The following TDP1 variants were observed in gnomAD, a reference collection of about 807,000 sequenced individuals.
TDP1 encodes tyrosyl-DNA phosphodiesterase 1, also known as tyr-DNA phosphodiesterase 1.
A neutral mutation model predicts 81.5 loss-of-function variants in TDP1; 64 were observed. The ratio of observed to expected loss-of-function variants is 0.79; its 90% CI spans 0.64 to 0.97. The LOEUF is 0.97. Ranked by LOEUF, TDP1 falls within the 50% of genes least tolerant of loss-of-function variation. TDP1 has a pLI of 0.00. For synonymous variants in TDP1, 256 were observed against 264.3 expected (o/e 0.97, Z 0.30); for missense variants, 723 against 743.8 (o/e 0.97, Z 0.33).
chr14:90,029,356 C>A (rs945225175), intron 15 of TDP1, among the ~76,000 whole-genome samples: 3 of 151,974 alleles, frequency 2.0e-5, no homozygotes, highest in African/African-American at 7.3e-5. Context: ...CACTACCACA[C>A]CTGGCTAATT....
chr14:89,989,583 C>A, intron 11 of TDP1, 134 bp from the exon 12 acceptor site: 1 of 1,122,966 alleles, frequency 8.9e-7, no homozygotes, highest in Non-Finnish European at 1.3e-6. Context: ...AAGATGAGAA[C>A]TTTTAAAAAT....
chr14:89,975,815 C>T lies in TDP1; in HGVS notation c.791C>T (p.Thr264Met), dbSNP rs1391253393. 2.5e-6 allele frequency: 4 copies of T among 1,611,788 alleles called. No homozygotes were observed. Among genetic ancestry groups the T allele is most frequent in the East Asian group, 2.2e-5 (1 of 44,872 alleles). The change falls in exon 7 of 17, where the codon ACG becomes ATG. Residue 264 changes from threonine to methionine, a missense_variant and splice_region_variant. Transcript: ENST00000335725. The part of the protein sequence containing the change: ...KLDIAFGTHH[T>M]KMMLLLYEEG... ...GATATTGCGTTTGGAACACACCACA[C>T]GTAAGCACTTTTTGTGAAATAGGGG...
intron 14 of TDP1, among the ~76,000 whole-genome samples, chr14:90,010,027 A>T (rs2140219355): frequency 6.6e-6 from 1 of 152,368 alleles, no homozygotes; most frequent in South Asian, 2.1e-4. Context: ...TAAAGCTATA[A>T]AGCCTAGAAC....
chr14:89,986,155 T>C (rs1462848743), intron 10 of TDP1, among the ~76,000 whole-genome samples: 1 of 152,274 alleles, frequency 6.6e-6, no homozygotes, highest in Non-Finnish European at 1.5e-5. Flanking sequence ...TTTTATGAAA[T>C]GAGACCACAG....
intron 15 of TDP1, among the ~76,000 whole-genome samples, chr14:90,029,914 A>G (rs1384366107): frequency 6.6e-6 from 1 of 152,206 alleles, no homozygotes; most frequent in Non-Finnish European, 1.5e-5. Flanking sequence ...AATACTTATA[A>G]TTATACTCAT....
chr14:90,026,131 G>A (rs905961161), intron 15 of TDP1, among the ~76,000 whole-genome samples: 7 of 152,140 alleles, frequency 4.6e-5, no homozygotes, highest in African/African-American at 1.7e-4. Flanking sequence ...TTTTTTCATT[G>A]TAAACATGGT....
At chr14:90,026,780 GACATGAACTCA>G (rs1416649678) in intron 15 of TDP1, among the ~76,000 whole-genome samples, 1 of 152,152 alleles carries the variant, frequency 6.6e-6, no homozygotes, top group Non-Finnish European at 1.5e-5. Flanking sequence ...CCCTACAAAG[GACATGAACTCA>G]TCCTTTTTTA....
chr14:89,988,840 A>G (rs532827768), intron 10 of TDP1, 65 bp from the exon 11 acceptor site: 2 of 1,606,482 alleles, frequency 1.2e-6, no homozygotes, highest in African/African-American at 2.7e-5. Flanking sequence ...ACTGTTTTCA[A>G]ATATTGCAGC....
intron 5 of TDP1, among the ~76,000 whole-genome samples, chr14:89,969,796 T>C (rs1893382849): frequency 6.6e-6 from 1 of 151,934 alleles, no homozygotes. Flanking sequence ...AATGTGGAAG[T>C]GGGTCGGTTG....
In TDP1 at chr14:89,992,373, G is replaced by A. The variant is rs756441972; in HGVS notation, c.1433+390G>A. On this transcript the variant is annotated intron_variant, in intron 13 of 16. Coordinates refer to ENST00000335725, the MANE Select transcript of TDP1 (RefSeq NM_018319.4). Reference sequence around the variant, plus strand: ...TGTTGAGGGCAGATTCTTTGCTGCCGTTTCCTGAGGATACAGGACAGTATC... The same window carrying A: ...TGTTGAGGGCAGATTCTTTGCTGCCATTTCCTGAGGATACAGGACAGTATC... Among the ~76,000 whole-genome samples the A allele has an allele frequency of 3.3e-5, 5 of 152,130 alleles. No individual in the cohort carries two copies. In the East Asian group the frequency reaches 7.7e-4, roughly 23 times the overall value.
chr14:89,964,006 A>G (rs1055495407), intron 3 of TDP1, among the ~76,000 whole-genome samples: 9 of 152,190 alleles, frequency 5.9e-5, no homozygotes, highest in Non-Finnish European at 1.0e-4. Context: ...GTAGTTCTCC[A>G]TGGGCCCTGG....
intron 16 of TDP1, chr14:90,033,487 G>C (rs979852615): frequency 2.2e-6 from 1 of 463,536 alleles, no homozygotes; most frequent in Non-Finnish European, 4.0e-6. Context: ...AATATCATAA[G>C]TCAAAAATGC....
chr14:90,020,921 T>A (rs1317202404), intron 15 of TDP1, among the ~76,000 whole-genome samples: 1 of 150,372 alleles, frequency 6.7e-6, no homozygotes, highest in Non-Finnish European at 1.5e-5. Flanking sequence ...TCAGCCTCCC[T>A]AGTAGATGGG....
At chr14:89,993,511 A>G (rs767868259) in intron 14 of TDP1, 28 bp downstream of exon 14, 1 of 1,609,912 alleles carries the variant, frequency 6.2e-7, no homozygotes, top group South Asian at 1.1e-5. Flanking sequence ...TCCTGATGGG[A>G]GAAATCTTTT....
At chr14:89,990,241 T>C (rs35346416) in intron 12 of TDP1, among the ~76,000 whole-genome samples, 5,915 of 152,252 alleles carry the variant, frequency 0.039, 375 homozygotes, top group African/African-American at 0.13. Context: ...CTGTCAAGGG[T>C]GTCATCTGCA....
intron 15 of TDP1, among the ~76,000 whole-genome samples, chr14:90,031,939 C>A (rs542757984): frequency 6.6e-6 from 1 of 152,348 alleles, no homozygotes; most frequent in East Asian, 1.9e-4. Context: ...CTTTTCTTTG[C>A]AGCACTTAGC....
At chr14:90,026,769 T>G (rs111240336) in intron 15 of TDP1, among the ~76,000 whole-genome samples, 8,290 of 152,258 alleles carry the variant, frequency 0.054, 362 homozygotes, top group African/African-American at 0.12. Flanking sequence ...TTCATCCATG[T>G]CCCTACAAAG....
chr14:90,023,234 G>A (rs1886293461), intron 15 of TDP1, among the ~76,000 whole-genome samples: 1 of 152,180 alleles, frequency 6.6e-6, no homozygotes, highest in South Asian at 2.1e-4. Flanking sequence ...GGTGGCATTC[G>A]ATCTCACTCT....
At chr14:90,026,769 T>C (rs111240336) in intron 15 of TDP1, among the ~76,000 whole-genome samples, 1 of 152,274 alleles carries the variant, frequency 6.6e-6, no homozygotes, top group South Asian at 2.1e-4. Flanking sequence ...TTCATCCATG[T>C]CCCTACAAAG....
Sources: gnomAD v4.1 joint callset for allele counts (sites outside exome capture counted in the v4.1 genomes callset) on GRCh38, gnomAD v4.1.1 for gene constraint, MANE v1.5 for transcripts, NCBI Gene and HGNC (gene_info 2026-07-23, HGNC 2026-07-21) for gene names.